Variants in ADAM19 observed in about 807,000 individuals in gnomAD.
The protein encoded by ADAM19 is ADAM metallopeptidase domain 19.
In ADAM19, 65 loss-of-function variants were observed where a neutral mutation model predicts 114.7. The observed-to-expected ratio is 0.57, with a 90% CI of 0.46 to 0.70. The LOEUF is 0.70. Among genes scored for constraint, ADAM19 ranks in the 30% least tolerant of loss-of-function variants. The pLI is 0.00. For missense variants in ADAM19, 1,063 were observed against 1,204.7 expected (o/e 0.88, Z 1.74); for synonymous variants, 466 against 460.5 (o/e 1.01, Z -0.15).
At chr5:157,538,571 G>A (rs895564725) in intron 3 of ADAM19, among the ~76,000 whole-genome samples, 44 of 152,194 alleles carry the variant, frequency 2.9e-4, no homozygotes, top group Non-Finnish European at 6.2e-4. Context: ...CTGCTACAAG[G>A]GTTCCCTAAG....
At chr5:157,516,520 G>C (rs963311154) in intron 7 of ADAM19, among the ~76,000 whole-genome samples, 1 of 152,152 alleles carries the variant, frequency 6.6e-6, no homozygotes, top group Non-Finnish European at 1.5e-5. Flanking sequence ...TTCACACCCA[G>C]TGGGTTTGAA....
At position 157,553,204 on chromosome 5, in the gene ADAM19, C is replaced by T. The variant is rs79937895; in HGVS notation, c.251+11169G>A. On this transcript the variant is annotated intron_variant, in intron 3 of 22. Coordinates refer to ENST00000257527, the MANE Select transcript of ADAM19 (RefSeq NM_033274.5). Reference sequence around the variant, plus strand: ...TATAATTGGACTGTTTGCAATGCAACGGATAAATGCCTGATGGAATGGATA... The same window carrying T: ...TATAATTGGACTGTTTGCAATGCAATGGATAAATGCCTGATGGAATGGATA... Among the ~76,000 whole-genome samples, 35 of 152,244 alleles carry T rather than the reference C, an allele frequency of 2.3e-4. No individual in the cohort carries two copies. In the East Asian group the frequency reaches 3.1e-3, roughly 13 times the overall value.
intron 15 of ADAM19, among the ~76,000 whole-genome samples, chr5:157,494,258 T>C (rs1755273429): frequency 6.8e-6 from 1 of 146,904 alleles, no homozygotes; most frequent in African/African-American, 2.6e-5. Flanking sequence ...GGTAGATGGA[T>C]GGATAGATGG....
intron 11 of ADAM19, among the ~76,000 whole-genome samples, chr5:157,503,536 C>A (rs1017688080): frequency 1.3e-5 from 2 of 151,236 alleles, no homozygotes; most frequent in African/African-American, 4.9e-5. Flanking sequence ...GAGATATTAA[C>A]CACCCCATAA....
intron 2 of ADAM19, chr5:157,568,498 C>T (rs1219384910): frequency 2.0e-5 from 3 of 152,196 alleles, no homozygotes; most frequent in Admixed American, 2.0e-4. Context: ...GAGGCACCAT[C>T]AGCTCTCCTC....
At chr5:157,513,616 G>T in intron 7 of ADAM19, 111 bp from the exon 8 acceptor site, 2 of 988,834 alleles carry the variant, frequency 2.0e-6, no homozygotes, top group Non-Finnish European at 1.6e-6. Flanking sequence ...TCTTCTATGA[G>T]CCATCATTTT....
intron 3 of ADAM19, among the ~76,000 whole-genome samples, chr5:157,562,099 G>A (rs540411281): frequency 8.5e-5 from 13 of 152,240 alleles, no homozygotes; most frequent in Admixed American, 5.9e-4. Context: ...TTTTGAATCC[G>A]GACTCGCACG....
intron 8 of ADAM19, among the ~76,000 whole-genome samples, chr5:157,510,028 T>C (rs996691123): frequency 2.0e-5 from 3 of 152,216 alleles, no homozygotes; most frequent in African/African-American, 7.2e-5. Context: ...TCCCAATTCC[T>C]TATGTGAGCC....
At chr5:157,482,953 A>C (rs1754803998) in intron 21 of ADAM19, among the ~76,000 whole-genome samples, 1 of 152,226 alleles carries the variant, frequency 6.6e-6, no homozygotes, top group South Asian at 2.1e-4. Flanking sequence ...AAATAACACA[A>C]GAACAGAAAA....
chr5:157,512,612 T>A (rs1019379218), intron 8 of ADAM19, among the ~76,000 whole-genome samples: 12 of 152,242 alleles, frequency 7.9e-5, no homozygotes, highest in Admixed American at 7.9e-4. Context: ...TTCTTTCATA[T>A]ACACAATGTA....
Position 157,575,617 on chromosome 5 carries a change from TC to T in ADAM19, c.79del (p.Glu27SerfsTer31). The T allele has an allele frequency of 6.9e-7, 1 of 1,448,896 alleles. No individual in the cohort carries two copies. Among genetic ancestry groups the T allele is most frequent in the Admixed American group, 2.7e-5 (1 of 36,888 alleles). The allele number at this position is 1,448,896 out of a possible 1,614,324, so 89.8% of individuals were successfully genotyped here. Reference protein sequence around the residue: ...LQPLRPRAAREPGWTRGSEEG... With the variant: ...LQPLRPRAARXPGWTRGSEEG... ...TGGCCACTTACTTGTCCATCCAGGC[TC>T]CCGCGCCGCCCGCGGCCGGAGGGGC... On this transcript the variant is annotated frameshift_variant, in exon 1 of 23. Transcript: ENST00000257527. LOFTEE classifies it high-confidence loss of function.
chr5:157,537,962 G>A lies in ADAM19; in HGVS notation c.281C>T (p.Thr94Ile), dbSNP rs771669063. The change falls in exon 4 of 23, where the codon ACC (threonine) becomes ATC (isoleucine). Residue 94 changes from threonine (T) to isoleucine (I), a missense_variant. Transcript: ENST00000257527. ...AGGGTTACCACTTGAAGTATAATGGGTTTCTGTGTAGGAAGGAGCAAAAAG... is the reference window on the plus strand; with the variant it reads ...AGGGTTACCACTTGAAGTATAATGGATTTCTGTGTAGGAAGGAGCAAAAAG... Reference protein sequence around the residue: ...EQLFAPSYTETHYTSSGNPQT... With the variant: ...EQLFAPSYTEIHYTSSGNPQT... The A allele has an allele frequency of 8.1e-6, 13 of 1,614,054 alleles. No homozygotes were observed. The highest frequency in any genetic ancestry group is 1.1e-5 in the Non-Finnish European group (13 of 1,179,996).
chr5:157,494,628 G>T, intron 15 of ADAM19, 59 bp downstream of exon 15: 1 of 1,454,864 alleles, frequency 6.9e-7, no homozygotes, highest in South Asian at 1.2e-5. Context: ...CAACAGTGAG[G>T]ACAGAGCAGA....
chr5:157,479,512 G>A lies in ADAM19; in HGVS notation c.*1437C>T, dbSNP rs927068434. On this transcript the variant is annotated 3_prime_UTR_variant, in exon 23 of 23. Coordinates refer to ENST00000257527, the MANE Select transcript of ADAM19 (RefSeq NM_033274.5). ...TCTATCTCCCAGCAAACATCTCCAG[G>A]TGCTTTGCAAAAACCGTCCTATCTA... 7.1e-6 allele frequency: 7 copies of A among 985,756 alleles called. No individual in the cohort carries two copies. The highest frequency in any genetic ancestry group is 7.0e-5 in the African/African-American group (4 of 57,226). 61.1% of individuals were successfully genotyped at this position (985,756 alleles called of 1,614,324 possible).
chr5:157,486,842 A>G (rs1754950735), intron 21 of ADAM19, among the ~76,000 whole-genome samples: 1 of 152,124 alleles, frequency 6.6e-6, no homozygotes, highest in East Asian at 1.9e-4. Context: ...GTACCTCAGA[A>G]TGTGACCATA....
At chr5:157,569,891 G>A (rs1356745620) in intron 2 of ADAM19, among the ~76,000 whole-genome samples, 1 of 152,170 alleles carries the variant, frequency 6.6e-6, no homozygotes, top group Admixed American at 6.5e-5. Flanking sequence ...GCAAGTGGCA[G>A]GTCACATAGC....
intron 2 of ADAM19, chr5:157,568,485 G>A (rs1346351995): frequency 1.3e-5 from 2 of 152,154 alleles, no homozygotes; most frequent in Non-Finnish European, 2.9e-5. Context: ...TCTGTATTAA[G>A]AAGAGGCACC....
intron 14 of ADAM19, 115 bp downstream of exon 14, chr5:157,496,779 G>A: frequency 5.9e-6 from 5 of 853,094 alleles, no homozygotes; most frequent in Non-Finnish European, 5.2e-6. Flanking sequence ...GGATGAAAGA[G>A]GTAGTATCTA....
rs1307942375 is a variant in ADAM19, at chr5:157,553,894, A to G, written c.251+10479T>C. ...TATAAAATAGTATATAAAGTACGATACCATGCATTTAAAAACTCTATAACT... is the reference window on the plus strand; with the variant it reads ...TATAAAATAGTATATAAAGTACGATGCCATGCATTTAAAAACTCTATAACT... On this transcript the variant is annotated intron_variant, in intron 3 of 22. Transcript: ENST00000257527. Among the ~76,000 whole-genome samples, 4 of 152,332 alleles carry G rather than the reference A, an allele frequency of 2.6e-5. No individual in the cohort carries two copies. The East Asian group carries it at 7.7e-4, about 29-fold the overall frequency.
Sources: allele counts gnomAD v4.1 joint callset (sites outside exome capture counted in the v4.1 genomes callset), GRCh38; gene constraint gnomAD v4.1.1; transcripts MANE v1.5; gene names NCBI Gene and HGNC (gene_info 2026-07-23, HGNC 2026-07-21).